KIAA1217: variants seen among roughly 807,000 people sequenced by gnomAD.
The protein encoded by KIAA1217 is KIAA1217, also known as sickle tail protein homolog.
A neutral mutation model predicts 163.9 loss-of-function variants in KIAA1217; 88 were observed. That is an observed-to-expected ratio of 0.54 (90% CI 0.45 to 0.64). KIAA1217 has a LOEUF of 0.64. Ranked by LOEUF, KIAA1217 falls within the 30% of genes least tolerant of loss-of-function variation. KIAA1217 has a pLI of 0.00. For missense variants in KIAA1217, 2,372 were observed against 2,475.0 expected, an observed-to-expected ratio of 0.96 and a Z score of 0.88; for synonymous variants, 903 against 923.1, an observed-to-expected ratio of 0.98 and a Z score of 0.39.
At chr10:23,717,935 A>T (rs1341761371) in intron 1 of KIAA1217, among the ~76,000 whole-genome samples, 14 of 152,178 alleles carry the variant, frequency 9.2e-5, no homozygotes, top group Non-Finnish European at 1.5e-5. Flanking sequence ...ACATCCCTTT[A>T]AAATAGATGT....
chr10:23,980,954 A>G (rs909500040), intron 1 of KIAA1217, among the ~76,000 whole-genome samples: 2 of 152,188 alleles, frequency 1.3e-5, no homozygotes, highest in African/African-American at 2.4e-5. Flanking sequence ...TCTGAAATCT[A>G]TGGAGTTCAT....
intron 2 of KIAA1217, among the ~76,000 whole-genome samples, chr10:24,013,110 TA>T (rs768974502): frequency 8.5e-5 from 13 of 152,164 alleles, no homozygotes; most frequent in Non-Finnish European, 1.6e-4. Context: ...TTTGGTGCCA[TA>T]TTTTTTTGCA....
At chr10:24,104,990 A>G (rs1311632767) in intron 2 of KIAA1217, among the ~76,000 whole-genome samples, 2 of 152,124 alleles carry the variant, frequency 1.3e-5, no homozygotes, top group Non-Finnish European at 2.9e-5. Context: ...TAGATTCTGT[A>G]ATTTTCTACT....
At chr10:23,900,902 C>T (rs1397792659) in intron 1 of KIAA1217, among the ~76,000 whole-genome samples, 2 of 152,082 alleles carry the variant, frequency 1.3e-5, no homozygotes, top group African/African-American at 4.8e-5. Context: ...AATAATAACA[C>T]ATATCCTAAA....
chr10:24,363,572 T>G (rs976502783), intron 2 of KIAA1217, among the ~76,000 whole-genome samples: 7 of 150,778 alleles, frequency 4.6e-5, no homozygotes, highest in Admixed American at 2.0e-4. Context: ...TTTTTGTTTT[T>G]TTTTTTTTTT....
At chr10:23,770,900 G>A (rs1210762030) in intron 1 of KIAA1217, among the ~76,000 whole-genome samples, 1 of 152,146 alleles carries the variant, frequency 6.6e-6, no homozygotes, top group Admixed American at 6.5e-5. Context: ...TACATCCAAG[G>A]TACTGCTGTC....
At chr10:24,397,801 C>T (rs2056010229) in intron 3 of KIAA1217, among the ~76,000 whole-genome samples, 1 of 152,134 alleles carries the variant, frequency 6.6e-6, no homozygotes, top group Non-Finnish European at 1.5e-5. Flanking sequence ...GCAGTTATTC[C>T]ATCCTATCCA....
At chr10:24,134,676 C>A (rs879407771) in intron 2 of KIAA1217, among the ~76,000 whole-genome samples, 3 of 152,226 alleles carry the variant, frequency 2.0e-5, no homozygotes, top group Non-Finnish European at 4.4e-5. Flanking sequence ...TGGGCTCAAG[C>A]GATCCTCCTA....
chr10:24,046,592 C>G (rs2131571420), intron 2 of KIAA1217, among the ~76,000 whole-genome samples: 1 of 152,226 alleles, frequency 6.6e-6, no homozygotes, highest in South Asian at 2.1e-4. Context: ...GGAAGTGCCA[C>G]ACTTTTAAAC....
intron 6 of KIAA1217, chr10:24,482,182 A>G (rs1379280911): frequency 6.6e-6 from 1 of 152,218 alleles, no homozygotes; most frequent in Non-Finnish European, 1.5e-5. Context: ...TAGCAGCCAC[A>G]AGGTCTGTGT....
chr10:23,994,958 A>G (rs887246021), intron 1 of KIAA1217, among the ~76,000 whole-genome samples: 2 of 152,168 alleles, frequency 1.3e-5, no homozygotes, highest in Non-Finnish European at 2.9e-5. Flanking sequence ...ATTATTTACA[A>G]TTATGTAATA....
intron 1 of KIAA1217, among the ~76,000 whole-genome samples, chr10:23,723,051 C>T (rs11813994): frequency 0.053 from 8,030 of 152,188 alleles, 707 homozygotes; most frequent in African/African-American, 0.18. Flanking sequence ...CCTCATTGGC[C>T]AGGCTTGGTC....
exon 1 of KIAA1217, chr10:23,694,975 CAGGGCGCGCA>C (rs1835930747): frequency 1.3e-5 from 2 of 152,230 alleles, no homozygotes; most frequent in Non-Finnish European, 2.9e-5. Flanking sequence ...GGCGGAGGAG[CAGGGCGCGCA>C]GCGCCCTGCG....
intron 2 of KIAA1217, among the ~76,000 whole-genome samples, chr10:24,311,084 C>G (rs1394328844): frequency 6.6e-6 from 1 of 152,118 alleles, no homozygotes; most frequent in African/African-American, 2.4e-5. Context: ...TCAGGGTTCT[C>G]CTTGAAGTCA....
At chr10:23,853,657 G>A (rs983733767) in intron 1 of KIAA1217, among the ~76,000 whole-genome samples, 5 of 152,140 alleles carry the variant, frequency 3.3e-5, no homozygotes. Flanking sequence ...ACTCTTTTTA[G>A]TTGGTAAGCT....
intron 2 of KIAA1217, among the ~76,000 whole-genome samples, chr10:24,064,683 T>C (rs2060868071): frequency 6.6e-6 from 1 of 152,200 alleles, no homozygotes; most frequent in Non-Finnish European, 1.5e-5. Context: ...ATTCCCTCTT[T>C]TTCTATTGAT....
At chr10:23,963,039 A>G (rs569789445) in intron 1 of KIAA1217, among the ~76,000 whole-genome samples, 2 of 152,324 alleles carry the variant, frequency 1.3e-5, no homozygotes, top group South Asian at 2.1e-4. Flanking sequence ...ATTAGGTTGA[A>G]CCATAGTGAA....
At chr10:24,062,184 A>T (rs989564248) in intron 2 of KIAA1217, among the ~76,000 whole-genome samples, 4 of 151,760 alleles carry the variant, frequency 2.6e-5, no homozygotes, top group Admixed American at 6.6e-5. Context: ...CATGTGCACA[A>T]GGTGCAGGTT....
At chr10:24,535,932 AT>A (rs534426363) in intron 16 of KIAA1217, among the ~76,000 whole-genome samples, 21 of 149,636 alleles carry the variant, frequency 1.4e-4, no homozygotes, top group African/African-American at 2.0e-4. Flanking sequence ...GAACAACAGT[AT>A]TTTTTTTTTA....
Sources: gnomAD v4.1 joint callset for allele counts (sites outside exome capture counted in the v4.1 genomes callset) on GRCh38, gnomAD v4.1.1 for gene constraint, MANE v1.5 for transcripts, NCBI Gene and HGNC (gene_info 2026-07-23, HGNC 2026-07-21) for gene names.